MGAT4C: variants seen among roughly 807,000 people sequenced by gnomAD.
MGAT4C encodes alpha-1,3-mannosyl-glycoprotein 4-beta-N-acetylglucosaminyltransferase C.
Under a neutral mutation model 40.1 loss-of-function variants are expected in MGAT4C, and 19 were observed. The observed-to-expected ratio is 0.47, with a 90% confidence interval of 0.33 to 0.70. MGAT4C has a LOEUF of 0.70. Ranked by LOEUF, MGAT4C falls within the 30% of genes least tolerant of loss-of-function variation. MGAT4C has a pLI of 0.02. For missense variants in MGAT4C, 491 were observed against 563.2 expected (o/e 0.87, Z 1.30); for synonymous variants, 181 against 187.1 (o/e 0.97, Z 0.27).
At chr12:86,196,817 C>G (rs1484982067) in intron 1 of MGAT4C, among the ~76,000 whole-genome samples, 1 of 152,176 alleles carries the variant, frequency 6.6e-6, no homozygotes, top group Non-Finnish European at 1.5e-5. Context: ...CTAGAACATG[C>G]TTTCCACTTT....
intron 4 of MGAT4C, among the ~76,000 whole-genome samples, chr12:86,289,626 T>C (rs886230524): frequency 1.3e-5 from 2 of 152,202 alleles, no homozygotes; most frequent in Non-Finnish European, 2.9e-5. Flanking sequence ...TTCACCTCCC[T>C]GGCTAGCTGT....
At chr12:86,668,066 A>G (rs1212883058) in intron 2 of MGAT4C, among the ~76,000 whole-genome samples, 1 of 152,250 alleles carries the variant, frequency 6.6e-6, no homozygotes, top group African/African-American at 2.4e-5. Flanking sequence ...CTTAAATTAC[A>G]TTGATAGATT....
chr12:86,407,308 A>G (rs1327532532), intron 3 of MGAT4C, among the ~76,000 whole-genome samples: 1 of 152,072 alleles, frequency 6.6e-6, no homozygotes, highest in African/African-American at 2.4e-5. Context: ...TATATAATCA[A>G]GCATCTTTGC....
At chr12:86,457,652 G>A (rs1413193574) in intron 2 of MGAT4C, among the ~76,000 whole-genome samples, 1 of 152,016 alleles carries the variant, frequency 6.6e-6, no homozygotes, top group African/African-American at 2.4e-5. Context: ...AAAGAAAATA[G>A]CATGTTAATT....
At chr12:86,396,862 C>A (rs926915080) in intron 3 of MGAT4C, among the ~76,000 whole-genome samples, 1 of 137,742 alleles carries the variant, frequency 7.3e-6, no homozygotes, top group East Asian at 2.2e-4. Context: ...AGGGGATTTT[C>A]CAACAATATC....
chr12:86,355,869 C>A lies in MGAT4C; in HGVS notation c.-119-21742G>T, dbSNP rs112763722. 3.2e-3 allele frequency among the ~76,000 whole-genome samples: 493 copies of A among 152,148 alleles called. 2 individuals carry two copies. Among genetic ancestry groups the A allele is most frequent in the African/African-American group, 0.012 (480 of 41,512 alleles). ...AATTAAAATAGGCTGTATTTTGCCT[C>A]TGTACGTTCCTTAAACTTAATTTTA... On this transcript the variant is annotated intron_variant, in intron 3 of 7. Transcript: ENST00000548651.
In MGAT4C at chr12:86,550,351, T is replaced by C. The variant is rs1015882737; in HGVS notation, c.-228-115086A>G. On this transcript the variant is annotated intron_variant, in intron 2 of 7. Transcript: ENST00000548651. ...CACTCCAAACACTTACAGTCTGTAC[T>C]ATAGGGAAATCCCACAGTCCTTGAA... 3.0e-4 allele frequency among the ~76,000 whole-genome samples: 45 copies of C among 152,180 alleles called. 1 individual carries two copies. Among genetic ancestry groups the C allele is most frequent in the African/African-American group, 1.1e-3 (44 of 41,446 alleles).
chr12:86,231,529 C>CAAG (rs1174298215), intron 1 of MGAT4C, among the ~76,000 whole-genome samples: 1 of 152,110 alleles, frequency 6.6e-6, no homozygotes, highest in African/African-American at 2.4e-5. Context: ...GTACAACAAT[C>CAAG]ATCACAATCT....
chr12:86,280,007 A>G (rs1226323902), intron 4 of MGAT4C, among the ~76,000 whole-genome samples: 3 of 152,026 alleles, frequency 2.0e-5, no homozygotes, highest in Admixed American at 6.6e-5. Flanking sequence ...TATGATTTCA[A>G]TGTTCTTGAA....
chr12:86,166,395 G>T (rs1886193828), intron 1 of MGAT4C, among the ~76,000 whole-genome samples: 1 of 152,166 alleles, frequency 6.6e-6, no homozygotes, highest in Admixed American at 6.5e-5. Flanking sequence ...AAGCCGGGTG[G>T]GTGCGGTGGC....
At chr12:86,269,013 C>T (rs1314909566) in intron 4 of MGAT4C, among the ~76,000 whole-genome samples, 6 of 74,688 alleles carry the variant, frequency 8.0e-5, no homozygotes, top group African/African-American at 1.6e-4. Context: ...TTCATACTTA[C>T]ATATATATAT....
In MGAT4C at chr12:86,639,962, C is replaced by T. The variant is rs552290657; in HGVS notation, c.-229+87247G>A. Among the ~76,000 whole-genome samples, 1,136 of 151,682 alleles carry T rather than the reference C, an allele frequency of 7.5e-3. 5 individuals are homozygous for T. Among genetic ancestry groups the T allele is most frequent in the Middle Eastern group, 0.027 (8 of 294 alleles). The stretch of plus-strand genomic sequence containing the variant: ...AATCAGATATAAATTTCCTAAACTT[C>T]TAAATTATGAAACATCATATATATA... On this transcript the variant is annotated intron_variant, in intron 2 of 7. Coordinates refer to the MGAT4C transcript ENST00000548651.
chr12:86,389,871 A>T (rs148406698), intron 3 of MGAT4C, among the ~76,000 whole-genome samples: 1 of 152,206 alleles, frequency 6.6e-6, no homozygotes, highest in Non-Finnish European at 1.5e-5. Flanking sequence ...TCTCTCGGGG[A>T]TACAGCATAT....
intron 3 of MGAT4C, among the ~76,000 whole-genome samples, chr12:86,411,232 G>A (rs1956596978): frequency 1.3e-5 from 2 of 152,130 alleles, no homozygotes; most frequent in Non-Finnish European, 2.9e-5. Flanking sequence ...ACTGGGTAAT[G>A]GACAGAGGTT....
chr12:86,579,320 G>T (rs971149585), intron 2 of MGAT4C, among the ~76,000 whole-genome samples: 1 of 151,324 alleles, frequency 6.6e-6, no homozygotes, highest in African/African-American at 2.4e-5. Flanking sequence ...TGTATCCATT[G>T]TAAGTTTCTT....
At chr12:86,060,872 G>T (rs113162276) in intron 1 of MGAT4C, among the ~76,000 whole-genome samples, 46 of 152,232 alleles carry the variant, frequency 3.0e-4, no homozygotes, top group African/African-American at 1.1e-3. Context: ...AGCTGGCCAG[G>T]AAAATTCCAT....
intron 2 of MGAT4C, among the ~76,000 whole-genome samples, chr12:86,588,330 A>T (rs1176136394): frequency 1.3e-5 from 2 of 152,034 alleles, no homozygotes; most frequent in Admixed American, 1.3e-4. Flanking sequence ...TGGTAAAGGA[A>T]TCAATTCAAC....
chr12:86,095,175 A>C (rs1179568807), intron 1 of MGAT4C, among the ~76,000 whole-genome samples: 2 of 152,112 alleles, frequency 1.3e-5, no homozygotes, highest in Non-Finnish European at 2.9e-5. Flanking sequence ...ACCTTTGGGA[A>C]AAACTTTATA....
intron 1 of MGAT4C, among the ~76,000 whole-genome samples, chr12:86,775,822 T>C (rs1458094518): frequency 6.7e-6 from 1 of 148,740 alleles, no homozygotes; most frequent in East Asian, 2.0e-4. Flanking sequence ...CTTTTAAAGT[T>C]TTGATTTTCT....
Sources: allele counts gnomAD v4.1 joint callset (sites outside exome capture counted in the v4.1 genomes callset), GRCh38; gene constraint gnomAD v4.1.1; transcripts MANE v1.5; gene names NCBI Gene and HGNC (gene_info 2026-07-23, HGNC 2026-07-21).